Variants in ZDHHC14 observed in about 807,000 individuals in gnomAD.
ZDHHC14 encodes zDHHC palmitoyltransferase 14.
A neutral mutation model predicts 47.7 loss-of-function variants in ZDHHC14; 16 were observed. That is an observed-to-expected ratio of 0.34 (90% CI 0.23 to 0.51). The LOEUF (loss-of-function observed/expected upper bound fraction) is 0.51. ZDHHC14 is among the 20% of genes least tolerant of loss of function. The pLI is 0.97. For missense variants in ZDHHC14, 515 were observed against 662.5 expected (o/e 0.78, Z 2.44); for synonymous variants, 293 against 278.9 (o/e 1.05, Z -0.50).
rs547657722 is a variant in ZDHHC14, at chr6:157,597,099, C to T, written c.565+3953C>T. Among the ~76,000 whole-genome samples the T allele has an allele frequency of 3.3e-5, 5 of 152,276 alleles. No homozygotes were observed. In the East Asian group the frequency reaches 7.7e-4, roughly 23 times the overall value. ...CTTGCCATCGCGTTCCTTCTGCACACGTGGAACGCAGCATTTCGGGTTGTT... is the reference window on the plus strand; with the variant it reads ...CTTGCCATCGCGTTCCTTCTGCACATGTGGAACGCAGCATTTCGGGTTGTT... On this transcript the variant is annotated intron_variant, in intron 3 of 8. Coordinates refer to ENST00000359775, the MANE Select transcript of ZDHHC14 (RefSeq NM_024630.3).
chr6:157,531,857 T>A (rs1781380636), intron 1 of ZDHHC14, among the ~76,000 whole-genome samples: 1 of 152,264 alleles, frequency 6.6e-6, no homozygotes, highest in Non-Finnish European at 1.5e-5. Context: ...TGCATCTTCG[T>A]AACGCCGAAG....
intron 1 of ZDHHC14, among the ~76,000 whole-genome samples, chr6:157,428,598 G>A (rs1778271849): frequency 1.3e-5 from 2 of 152,046 alleles, no homozygotes; most frequent in South Asian, 2.1e-4. Context: ...CGAGAGAGGC[G>A]CATTCCTGCT....
intron 1 of ZDHHC14, among the ~76,000 whole-genome samples, chr6:157,460,240 A>G (rs959378903): frequency 6.6e-6 from 1 of 150,628 alleles, no homozygotes; most frequent in South Asian, 2.1e-4. Flanking sequence ...ACAAAACAAA[A>G]TGTAAAAAAT....
At chr6:157,453,747 T>C (rs931148520) in intron 1 of ZDHHC14, among the ~76,000 whole-genome samples, 2 of 150,882 alleles carry the variant, frequency 1.3e-5, no homozygotes, top group African/African-American at 5.0e-5. Flanking sequence ...CCTGAACTTC[T>C]ATTAGATTTT....
At chr6:157,580,246 T>A (rs762229935) in intron 2 of ZDHHC14, among the ~76,000 whole-genome samples, 23 of 152,232 alleles carry the variant, frequency 1.5e-4, no homozygotes, top group Non-Finnish European at 2.6e-4. Flanking sequence ...AAGGATAAAG[T>A]CTACTTGATC....
At chr6:157,561,398 C>CT (rs5881219) in intron 2 of ZDHHC14, among the ~76,000 whole-genome samples, 92,407 of 151,840 alleles carry the variant, frequency 0.61, 29,501 homozygotes, top group African/African-American at 0.82. Flanking sequence ...TACCTGCTTG[C>CT]TTTTTTTCTT....
At chr6:157,651,868 G>T (rs561009843) in intron 7 of ZDHHC14, among the ~76,000 whole-genome samples, 1 of 152,090 alleles carries the variant, frequency 6.6e-6, no homozygotes, top group South Asian at 2.1e-4. Flanking sequence ...CACTGCGCCC[G>T]GTCCCTCAAG....
intron 5 of ZDHHC14, among the ~76,000 whole-genome samples, chr6:157,634,557 G>C (rs1776870846): frequency 6.6e-6 from 1 of 152,180 alleles, no homozygotes; most frequent in Non-Finnish European, 1.5e-5. Context: ...TAAAGAAAAG[G>C]CTTGCCTAAG....
At chr6:157,428,058 T>A (rs537070369) in intron 1 of ZDHHC14, among the ~76,000 whole-genome samples, 6 of 152,342 alleles carry the variant, frequency 3.9e-5, no homozygotes, top group Non-Finnish European at 8.8e-5. Flanking sequence ...TGTTCTGCTG[T>A]CGATATGTGC....
chr6:157,482,473 C>T (rs566587661), intron 1 of ZDHHC14, among the ~76,000 whole-genome samples: 1 of 151,754 alleles, frequency 6.6e-6, no homozygotes, highest in South Asian at 2.1e-4. Context: ...AGGGTGGTCT[C>T]GAACTCCTGA....
chr6:157,424,281 T>C (rs1157874759), intron 1 of ZDHHC14, among the ~76,000 whole-genome samples: 1 of 152,020 alleles, frequency 6.6e-6, no homozygotes. Flanking sequence ...GGTATGCCAG[T>C]GGTGGTGAGA....
chr6:157,540,912 A>C (rs4349839), intron 1 of ZDHHC14, among the ~76,000 whole-genome samples: 1 of 89,244 alleles, frequency 1.1e-5, no homozygotes, highest in Non-Finnish European at 2.1e-5. Flanking sequence ...GTGTGTGTGT[A>C]TATATATATA....
chr6:157,483,165 T>G (rs535769579), intron 1 of ZDHHC14, among the ~76,000 whole-genome samples: 1 of 152,342 alleles, frequency 6.6e-6, no homozygotes, highest in African/African-American at 2.4e-5. Context: ...GGGCAGCATT[T>G]TGATGTGATT....
At chr6:157,420,357 G>A (rs1438031105) in intron 1 of ZDHHC14, among the ~76,000 whole-genome samples, 1 of 146,386 alleles carries the variant, frequency 6.8e-6, no homozygotes, top group African/African-American at 2.6e-5. Flanking sequence ...TCAAGGCACT[G>A]ATGAGAGGAG....
intron 1 of ZDHHC14, among the ~76,000 whole-genome samples, chr6:157,389,303 C>A (rs551390300): frequency 3.9e-5 from 6 of 152,128 alleles, no homozygotes; most frequent in East Asian, 1.9e-4. Context: ...CTCAATCTTG[C>A]GATTAATAGT....
chr6:157,556,706 A>C (rs35783672), intron 2 of ZDHHC14, among the ~76,000 whole-genome samples: 91,983 of 152,084 alleles, frequency 0.6, 29,083 homozygotes, highest in African/African-American at 0.8. Context: ...GACAGCTCAG[A>C]GCCGAGGCCC....
intron 1 of ZDHHC14, among the ~76,000 whole-genome samples, chr6:157,537,784 T>C (rs1781594212): frequency 6.6e-6 from 1 of 152,112 alleles, no homozygotes; most frequent in African/African-American, 2.4e-5. Context: ...TGCTCAGAAA[T>C]ATGGAGGAGC....
chr6:157,496,651 C>T (rs1005618345), intron 1 of ZDHHC14, among the ~76,000 whole-genome samples: 2 of 152,096 alleles, frequency 1.3e-5, no homozygotes, highest in African/African-American at 4.8e-5. Flanking sequence ...ACCCACAAGC[C>T]AACAATGCCA....
At chr6:157,549,976 A>G (rs530286739) in intron 2 of ZDHHC14, among the ~76,000 whole-genome samples, 5 of 152,202 alleles carry the variant, frequency 3.3e-5, no homozygotes, top group Non-Finnish European at 5.9e-5. Flanking sequence ...ACTTAGGAGG[A>G]CAGCTCCAGA....
Sources: gnomAD v4.1 joint callset for allele counts (sites outside exome capture counted in the v4.1 genomes callset) on GRCh38, gnomAD v4.1.1 for gene constraint, MANE v1.5 for transcripts, NCBI Gene and HGNC (gene_info 2026-07-23, HGNC 2026-07-21) for gene names.